ZNF438: variants seen among roughly 807,000 people sequenced by gnomAD.
ZNF438 encodes the protein zinc finger protein 438.
A neutral mutation model predicts 38.0 loss-of-function variants in ZNF438; 25 were observed. The ratio of observed to expected loss-of-function variants is 0.66; its 90% confidence interval spans 0.48 to 0.92. ZNF438 has a LOEUF of 0.92. Among genes scored for constraint, ZNF438 ranks in the 40% least tolerant of loss-of-function variants. ZNF438 has a pLI of 0.00. For synonymous variants in ZNF438, 372 were observed against 364.1 expected (o/e 1.02, Z -0.25); for missense variants, 1,007 against 999.6 (o/e 1.01, Z -0.10).
chr10:30,918,460 T>C (rs2043905228), intron 2 of ZNF438, among the ~76,000 whole-genome samples: 1 of 152,174 alleles, frequency 6.6e-6, no homozygotes, highest in African/African-American at 2.4e-5. Flanking sequence ...TTCTTACAGA[T>C]TTTGCATGTC....
intron 3 of ZNF438, among the ~76,000 whole-genome samples, chr10:30,884,215 T>C (rs2039653152): frequency 6.6e-6 from 1 of 152,174 alleles, no homozygotes; most frequent in South Asian, 2.1e-4. Flanking sequence ...AGCTGTATTG[T>C]TTTTTGCTGT....
At chr10:30,850,475 T>A in intron 4 of ZNF438, 108 bp from the exon 6 acceptor site, 2 of 1,303,954 alleles carry the variant, frequency 1.5e-6, no homozygotes, top group Non-Finnish European at 2.0e-6. Flanking sequence ...TTCCTTGACC[T>A]ACCTCCAAGC....
chr10:30,970,949 T>C (rs535785939), intron 1 of ZNF438, among the ~76,000 whole-genome samples: 1 of 152,222 alleles, frequency 6.6e-6, no homozygotes, highest in East Asian at 1.9e-4. Context: ...CATCCTCATA[T>C]CTCCAGCTTT....
At chr10:30,874,210 A>G (rs1219989558) in intron 4 of ZNF438, among the ~76,000 whole-genome samples, 1 of 147,862 alleles carries the variant, frequency 6.8e-6, no homozygotes, top group Admixed American at 6.8e-5. Flanking sequence ...ATGCCATGGC[A>G]TGATCATAGC....
At chr10:30,873,218 A>G (rs1250508057) in intron 4 of ZNF438, among the ~76,000 whole-genome samples, 1 of 152,248 alleles carries the variant, frequency 6.6e-6, no homozygotes, top group Non-Finnish European at 1.5e-5. Flanking sequence ...AAAGAATGAT[A>G]TAGAAAATTG....
intron 1 of ZNF438, among the ~76,000 whole-genome samples, chr10:30,995,821 A>C (rs1456988146): frequency 6.6e-6 from 1 of 152,212 alleles, no homozygotes; most frequent in African/African-American, 2.4e-5. Context: ...ATATGTAAAG[A>C]AAATAAAAAA....
chr10:30,908,457 G>A, intron 3 of ZNF438, among the ~76,000 whole-genome samples: 1 of 152,120 alleles, frequency 6.6e-6, no homozygotes, highest in East Asian at 1.9e-4. Flanking sequence ...ACCTTTTTAA[G>A]GGCTCACCAT....
At chr10:30,933,866 G>A (rs1450720848) in intron 2 of ZNF438, among the ~76,000 whole-genome samples, 2 of 152,188 alleles carry the variant, frequency 1.3e-5, no homozygotes, top group East Asian at 3.9e-4. Flanking sequence ...AGCGCTTGAG[G>A]ACAGGCGCGG....
rs559427730 is a variant in ZNF438 at position 30,927,105 on chromosome 10, G to A, written c.-115+14470C>T. ...GTAGAAGAGAGTATTATCACTTAAC[G>A]TGCCAAGACAAGAGATTTCAGCCAA... On this transcript the variant is annotated intron_variant, in intron 2 of 5. Coordinates refer to ENST00000413025, the Ensembl canonical transcript of ZNF438. 5.3e-4 allele frequency among the ~76,000 whole-genome samples: 80 copies of A among 152,256 alleles called. No homozygotes were observed. In the South Asian group the frequency reaches 0.015, roughly 28 times the overall value.
At chr10:30,845,285 A>G (rs3740236) in exon 6 of ZNF438, 182,903 of 1,614,014 alleles carry the variant, frequency 0.11, 13,359 homozygotes, top group East Asian at 0.33. Context: ...TTGGACATGC[A>G]TGTGATTCCT....
intron 4 of ZNF438, among the ~76,000 whole-genome samples, chr10:30,867,523 AG>A (rs2036656889): frequency 6.6e-6 from 1 of 152,234 alleles, no homozygotes; most frequent in Admixed American, 6.5e-5. Flanking sequence ...AACCCATACA[AG>A]CAAATGCTCT....
chr10:30,850,141 C>A, exon 5 of ZNF438: 1 of 1,614,146 alleles, frequency 6.2e-7, no homozygotes. Context: ...ATGTCCCCTC[C>A]TGGCCAGCAA....
intron 4 of ZNF438, among the ~76,000 whole-genome samples, chr10:30,865,981 T>G (rs1395919793): frequency 6.6e-6 from 1 of 152,196 alleles, no homozygotes; most frequent in Non-Finnish European, 1.5e-5. Context: ...GTGTCGACAT[T>G]TGCACTTGTT....
At chr10:30,896,755 T>G (rs73249060) in intron 3 of ZNF438, among the ~76,000 whole-genome samples, 1,815 of 152,206 alleles carry the variant, frequency 0.012, 41 homozygotes, top group African/African-American at 0.042. Context: ...ATTCTAGAGT[T>G]TGGCTGCACG....
chr10:31,022,665 C>T (rs1480835179), intron 1 of ZNF438, among the ~76,000 whole-genome samples: 1 of 152,132 alleles, frequency 6.6e-6, no homozygotes. Context: ...CAGCGTTGGT[C>T]AACAGAAAGG....
chr10:30,872,207 G>A (rs1009040002), intron 4 of ZNF438, among the ~76,000 whole-genome samples: 3 of 151,752 alleles, frequency 2.0e-5, no homozygotes, highest in East Asian at 3.9e-4. Context: ...TGGAATTTAA[G>A]CCAGGGGGTT....
At chr10:31,013,479 C>A (rs928608730) in intron 1 of ZNF438, among the ~76,000 whole-genome samples, 3 of 152,082 alleles carry the variant, frequency 2.0e-5, no homozygotes, top group Non-Finnish European at 4.4e-5. Context: ...CTCCCTACAC[C>A]CCCTTCACTC....
chr10:30,918,575 C>T (rs1309001757), intron 2 of ZNF438, among the ~76,000 whole-genome samples: 1 of 152,092 alleles, frequency 6.6e-6, no homozygotes, highest in Non-Finnish European at 1.5e-5. Context: ...AGGGTGCCTC[C>T]ATCGCATTTT....
At chr10:30,894,866 T>C (rs2041134956) in intron 3 of ZNF438, among the ~76,000 whole-genome samples, 1 of 152,230 alleles carries the variant, frequency 6.6e-6, no homozygotes, top group African/African-American at 2.4e-5. Context: ...CTATAACTAC[T>C]AATTGGTATA....
Sources: allele counts gnomAD v4.1 joint callset (sites outside exome capture counted in the v4.1 genomes callset), GRCh38; gene constraint gnomAD v4.1.1; transcripts MANE v1.5; gene names NCBI Gene and HGNC (gene_info 2026-07-23, HGNC 2026-07-21).